The following SNTG1 variants were observed in gnomAD, a reference collection of about 807,000 sequenced individuals.
The protein encoded by SNTG1 is syntrophin gamma 1.
In SNTG1, 39 loss-of-function variants were observed where a neutral mutation model predicts 74.7. The observed-to-expected ratio is 0.52, with a 90% CI of 0.40 to 0.68. The LOEUF (loss-of-function observed/expected upper bound fraction) is 0.68. Ranked by LOEUF, SNTG1 falls within the 30% of genes least tolerant of loss-of-function variation. The pLI is 0.00. For synonymous variants in SNTG1, 254 were observed against 217.1 expected (o/e 1.17, Z -1.49); for missense variants, 685 against 609.5 (o/e 1.12, Z -1.30).
intron 1 of SNTG1, among the ~76,000 whole-genome samples, chr8:50,093,894 G>A (rs936031585): frequency 6.6e-6 from 1 of 152,090 alleles, no homozygotes; most frequent in Non-Finnish European, 1.5e-5. Flanking sequence ...AGAAATAGCA[G>A]ATTCAAATAA....
intron 2 of SNTG1, chr8:50,380,868 C>G (rs1020149343): frequency 1.3e-5 from 2 of 152,188 alleles, no homozygotes; most frequent in African/African-American, 2.4e-5. Context: ...TAGGCAAGAT[C>G]TCTAGACAGA....
At chr8:50,683,945 G>GA (rs1245162370) in intron 15 of SNTG1, among the ~76,000 whole-genome samples, 1 of 152,050 alleles carries the variant, frequency 6.6e-6, no homozygotes, top group Non-Finnish European at 1.5e-5. Context: ...GAAAGATTAG[G>GA]AAAAAAATTG....
chr8:50,130,565 T>C (rs375274247), intron 1 of SNTG1, among the ~76,000 whole-genome samples: 1 of 152,230 alleles, frequency 6.6e-6, no homozygotes, highest in Non-Finnish European at 1.5e-5. Context: ...GCTAAAAGAA[T>C]GCAAATACCA....
chr8:50,006,680 T>C (rs1815271028), intron 1 of SNTG1, among the ~76,000 whole-genome samples: 5 of 152,174 alleles, frequency 3.3e-5, no homozygotes, highest in Admixed American at 3.3e-4. Context: ...TGGTTTATCT[T>C]GTGCCAATGG....
At chr8:50,779,544 C>T (rs1025260012) in intron 18 of SNTG1, among the ~76,000 whole-genome samples, 3 of 152,118 alleles carry the variant, frequency 2.0e-5, no homozygotes, top group Non-Finnish European at 4.4e-5. Flanking sequence ...GATTTTTGTA[C>T]ATTGATTTTG....
At chr8:50,251,883 C>T (rs115279382) in intron 2 of SNTG1, among the ~76,000 whole-genome samples, 1 of 152,076 alleles carries the variant, frequency 6.6e-6, no homozygotes, top group Non-Finnish European at 1.5e-5. Flanking sequence ...ATTTACAGAA[C>T]ATTCCATCTA....
chr8:50,183,425 TATATCC>T (rs1397414906), intron 2 of SNTG1, among the ~76,000 whole-genome samples: 2 of 152,154 alleles, frequency 1.3e-5, no homozygotes, highest in African/African-American at 2.4e-5. Flanking sequence ...TTTATAACTC[TATATCC>T]CATTTTTTCA....
intron 13 of SNTG1, among the ~76,000 whole-genome samples, chr8:50,641,575 GC>G (rs1157402619): frequency 1.3e-5 from 2 of 152,130 alleles, no homozygotes; most frequent in Admixed American, 6.6e-5. Context: ...TCTCCAATTA[GC>G]CTCCTTCCCT....
intron 1 of SNTG1, among the ~76,000 whole-genome samples, chr8:50,073,727 A>G (rs1435936185): frequency 3.3e-5 from 5 of 151,980 alleles, no homozygotes; most frequent in Admixed American, 6.6e-5. Flanking sequence ...AAAAAACATT[A>G]ATCTCCTTGT....
chr8:50,247,292 A>G (rs1019320465), intron 2 of SNTG1, among the ~76,000 whole-genome samples: 2 of 152,146 alleles, frequency 1.3e-5, no homozygotes, highest in African/African-American at 4.8e-5. Context: ...CTGTTCATAA[A>G]GCATCAGTGA....
At position 50,657,029 on chromosome 8, in the gene SNTG1, C is replaced by T. The variant is rs202193224; in HGVS notation, c.966+4C>T. The T allele has an allele frequency of 4.6e-5, 69 of 1,507,488 alleles. No homozygotes were observed. Among genetic ancestry groups the T allele is most frequent in the Non-Finnish European group, 6.0e-5 (67 of 1,125,724 alleles). The allele number at this position is 1,507,488 out of a possible 1,614,324, so 93.4% of individuals were successfully genotyped here. On this transcript the variant is annotated splice_donor_region_variant and intron_variant, in intron 14 of 18. Transcript: ENST00000642720. ...CTACAAGTTTCTGGCACCTCCAGTA[C>T]GTGTTTTATTGAAATGTATTGGTCG...
At chr8:50,484,137 C>CTTTCCTTCTTTCTTTCT (rs1563453444) in intron 8 of SNTG1, among the ~76,000 whole-genome samples, 1 of 55,868 alleles carries the variant, frequency 1.8e-5, no homozygotes, top group Non-Finnish European at 4.2e-5. Flanking sequence ...TCTTTCTTTC[C>CTTTCCTTCTTTCTTTCT]TTCTTTCTTT....
intron 17 of SNTG1, among the ~76,000 whole-genome samples, chr8:50,734,990 TC>T (rs1252151435): frequency 1.4e-5 from 2 of 146,570 alleles, no homozygotes; most frequent in Non-Finnish European, 3.0e-5. Context: ...CATATATATG[TC>T]CATATATATA....
At chr8:50,535,230 C>T (rs548332204) in intron 10 of SNTG1, among the ~76,000 whole-genome samples, 1 of 152,220 alleles carries the variant, frequency 6.6e-6, no homozygotes, top group East Asian at 1.9e-4. Context: ...ATAGAGACTA[C>T]AAAACTTGCC....
chr8:50,113,844 G>A (rs1393892831), intron 1 of SNTG1, among the ~76,000 whole-genome samples: 1 of 151,900 alleles, frequency 6.6e-6, no homozygotes, highest in African/African-American at 2.4e-5. Context: ...CACCAACATG[G>A]CACATGTATA....
intron 9 of SNTG1, among the ~76,000 whole-genome samples, chr8:50,522,217 CT>C (rs1462543437): frequency 6.6e-6 from 1 of 152,084 alleles, no homozygotes; most frequent in African/African-American, 2.4e-5. Flanking sequence ...CTACATTAAT[CT>C]TTTTCATCTT....
intron 13 of SNTG1, among the ~76,000 whole-genome samples, chr8:50,649,986 C>T (rs958834306): frequency 1.5e-4 from 22 of 146,996 alleles, no homozygotes; most frequent in African/African-American, 5.0e-4. Flanking sequence ...CATTTAATTT[C>T]TTTTTTTTTT....
intron 3 of SNTG1, among the ~76,000 whole-genome samples, chr8:50,398,246 C>T (rs770616848): frequency 1.2e-4 from 19 of 152,244 alleles, no homozygotes; most frequent in Non-Finnish European, 2.8e-4. Context: ...ATATTATCTC[C>T]TTGCTCACAT....
At chr8:49,995,763 T>C (rs1242437841) in intron 1 of SNTG1, among the ~76,000 whole-genome samples, 1 of 152,200 alleles carries the variant, frequency 6.6e-6, no homozygotes, top group Non-Finnish European at 1.5e-5. Context: ...TGGGTCACCC[T>C]CCATGCCTTA....
Sources: gnomAD v4.1 joint callset for allele counts (sites outside exome capture counted in the v4.1 genomes callset) on GRCh38, gnomAD v4.1.1 for gene constraint, MANE v1.5 for transcripts, NCBI Gene and HGNC (gene_info 2026-07-23, HGNC 2026-07-21) for gene names.